Variants in MAN1C1 observed in about 807,000 individuals in gnomAD.
MAN1C1 encodes mannosidase alpha class 1C member 1, also known as mannosyl-oligosaccharide 1,2-alpha-mannosidase IC.
Under a neutral mutation model 71.5 loss-of-function variants are expected in MAN1C1, and 49 were observed. The observed-to-expected ratio is 0.69, with a 90% CI of 0.54 to 0.87. The LOEUF is 0.87. Among genes scored for constraint, MAN1C1 ranks in the 40% least tolerant of loss-of-function variants. MAN1C1 has a pLI of 0.00. For synonymous variants in MAN1C1, 352 were observed against 343.7 expected (o/e 1.02, Z -0.27); for missense variants, 743 against 835.0 (o/e 0.89, Z 1.36).
At chr1:25,763,671 C>T (rs1218864883) in intron 6 of MAN1C1, 1 of 575,094 alleles carries the variant, frequency 1.7e-6, no homozygotes, top group East Asian at 3.0e-5. Flanking sequence ...CAGGCCCTGT[C>T]ACACCCTTCA....
chr1:25,653,661 C>T (rs1203004870), intron 1 of MAN1C1, among the ~76,000 whole-genome samples: 1 of 152,166 alleles, frequency 6.6e-6, no homozygotes, highest in Non-Finnish European at 1.5e-5. Context: ...GAGCTGCTTT[C>T]CCCAGAACGA....
chr1:25,657,470 T>C (rs761056969), intron 1 of MAN1C1, among the ~76,000 whole-genome samples: 8 of 152,228 alleles, frequency 5.3e-5, no homozygotes, highest in Non-Finnish European at 1.2e-4. Flanking sequence ...CGGAGGTGCC[T>C]ACCTTCTAGT....
At chr1:25,621,091 G>A (rs1372886623) in intron 1 of MAN1C1, among the ~76,000 whole-genome samples, 1 of 152,222 alleles carries the variant, frequency 6.6e-6, no homozygotes, top group African/African-American at 2.4e-5. Flanking sequence ...ATGGGGTGAG[G>A]GAGAGGAGAA....
At chr1:25,647,482 GGT>G (rs764357688) in intron 1 of MAN1C1, among the ~76,000 whole-genome samples, 18 of 152,110 alleles carry the variant, frequency 1.2e-4, no homozygotes, top group African/African-American at 3.6e-4. Context: ...TGGCGCTGGG[GGT>G]GCTTCACTGG....
intron 1 of MAN1C1, among the ~76,000 whole-genome samples, chr1:25,667,102 G>A (rs1470803793): frequency 2.6e-5 from 4 of 152,172 alleles, no homozygotes; most frequent in Non-Finnish European, 5.9e-5. Flanking sequence ...TTGGGGAGGA[G>A]GATGTGAGGA....
intron 1 of MAN1C1, among the ~76,000 whole-genome samples, chr1:25,625,215 G>C (rs1313625199): frequency 6.6e-6 from 1 of 151,932 alleles, no homozygotes. Flanking sequence ...ATGTTGGCCA[G>C]ACTGGTCATG....
chr1:25,731,648 T>G (rs960485214), intron 2 of MAN1C1, among the ~76,000 whole-genome samples: 2 of 152,234 alleles, frequency 1.3e-5, no homozygotes, highest in Admixed American at 1.3e-4. Flanking sequence ...CCTCCCTCTC[T>G]AACACAGGTA....
chr1:25,752,487 T>C (rs531209370), intron 4 of MAN1C1, among the ~76,000 whole-genome samples: 6 of 152,350 alleles, frequency 3.9e-5, no homozygotes, highest in African/African-American at 1.4e-4. Context: ...TTTCAATAGC[T>C]GCATGGTATT....
rs1338502958 is a variant in MAN1C1 at position 25,771,782 on chromosome 1, G to A, written c.1257+10G>A. The stretch of plus-strand genomic sequence containing the variant: ...CTACGAAGCCTTGGAGGTAAGACAA[G>A]CCCTGGATTATTCACAGGCCGCTGG... On this transcript the variant is annotated intron_variant, in intron 8 of 11. Transcript: ENST00000374332. 1.2e-6 allele frequency: 2 copies of A among 1,602,938 alleles called. No individual in the cohort carries two copies. The highest frequency in any genetic ancestry group is 1.7e-6 in the Non-Finnish European group (2 of 1,170,082).
chr1:25,705,035 C>T (rs1294690689), intron 2 of MAN1C1, among the ~76,000 whole-genome samples: 1 of 152,172 alleles, frequency 6.6e-6, no homozygotes, highest in African/African-American at 2.4e-5. Flanking sequence ...TGAACAAATC[C>T]CTTTATTTAT....
intron 1 of MAN1C1, among the ~76,000 whole-genome samples, chr1:25,629,106 T>C (rs899991149): frequency 6.6e-6 from 1 of 152,228 alleles, no homozygotes; most frequent in African/African-American, 2.4e-5. Context: ...TTTGAGTAGA[T>C]ACCCAGTAGT....
chr1:25,753,673 G>T lies in MAN1C1; in HGVS notation c.929+95G>T. The T allele has an allele frequency of 9.1e-7, 1 of 1,097,014 alleles. No individual in the cohort carries two copies. Among genetic ancestry groups the T allele is most frequent in the South Asian group, 1.5e-5 (1 of 67,176 alleles). The allele number at this position is 1,097,014 out of a possible 1,614,324, so 68.0% of individuals were successfully genotyped here. ...TGGTGCTGGTGAGGAGGCTCCAGGG[G>T]CAGTAGGCAGGCAAGCAGGAGGGGG... On this transcript the variant is annotated intron_variant, in intron 5 of 11. Transcript: ENST00000374332. This position sits in a 1 kb window ranked among gnomAD's most constrained non-coding sequence, Gnocchi z 4.9.
At chr1:25,734,319 G>C (rs1374112674) in intron 2 of MAN1C1, among the ~76,000 whole-genome samples, 1 of 151,934 alleles carries the variant, frequency 6.6e-6, no homozygotes, top group African/African-American at 2.4e-5. Flanking sequence ...AGTAGAGATG[G>C]GGTTTCACCA....
At chr1:25,743,088 T>C (rs1250056228) in intron 2 of MAN1C1, among the ~76,000 whole-genome samples, 1 of 152,210 alleles carries the variant, frequency 6.6e-6, no homozygotes, top group Non-Finnish European at 1.5e-5. Context: ...GAACCTGCAG[T>C]GGCTCCCCAG....
intron 1 of MAN1C1, among the ~76,000 whole-genome samples, chr1:25,677,584 T>G (rs2046087068): frequency 6.6e-6 from 1 of 152,184 alleles, no homozygotes; most frequent in Non-Finnish European, 1.5e-5. Flanking sequence ...GCTCTGGCCC[T>G]TTCCCCAGTC....
intron 1 of MAN1C1, among the ~76,000 whole-genome samples, chr1:25,623,854 A>G (rs1015619845): frequency 6.6e-6 from 1 of 152,192 alleles, no homozygotes; most frequent in Admixed American, 6.5e-5. Flanking sequence ...TCCCAAGGGA[A>G]TGATGGACGT....
chr1:25,757,033 C>T (rs2047295133), intron 5 of MAN1C1, among the ~76,000 whole-genome samples: 1 of 152,092 alleles, frequency 6.6e-6, no homozygotes, highest in Admixed American at 6.5e-5. Flanking sequence ...ATCTCAAAAC[C>T]CGAGCCCTTC....
intron 2 of MAN1C1, among the ~76,000 whole-genome samples, chr1:25,714,773 T>A (rs1206721159): frequency 1.3e-5 from 2 of 152,188 alleles, no homozygotes; most frequent in Non-Finnish European, 2.9e-5. Context: ...CAGAGTCAGC[T>A]ACACTCTAAA....
chr1:25,783,549 A>T, intron 11 of MAN1C1, 114 bp from the exon 12 acceptor site: 1 of 1,245,440 alleles, frequency 8.0e-7, no homozygotes, highest in Non-Finnish European at 1.1e-6. Context: ...GCAAGGCTCC[A>T]GACCTTGACC....
Sources: gnomAD v4.1 joint callset for allele counts (sites outside exome capture counted in the v4.1 genomes callset) on GRCh38, gnomAD v4.1.1 for gene constraint, Gnocchi (gnomAD v3.1) non-coding constraint, MANE v1.5 for transcripts, NCBI Gene and HGNC (gene_info 2026-07-23, HGNC 2026-07-21) for gene names.